ECRG4: variants seen among roughly 807,000 people sequenced by gnomAD.
ECRG4 encodes the protein augurin.
A neutral mutation model predicts 15.8 loss-of-function variants in ECRG4; 18 were observed. The observed-to-expected ratio is 1.14, with a 90% confidence interval of 0.79 to 1.69. The LOEUF is 1.69. ECRG4 is among the 40% of genes most tolerant of loss of function. The probability of loss-of-function intolerance (pLI) is 0.00; values close to 1 mark genes in which losing one functional copy is unlikely to be tolerated. For missense variants in ECRG4, 200 were observed against 190.9 expected, an observed-to-expected ratio of 1.05 and a Z score of -0.28; for synonymous variants, 82 against 73.9, an observed-to-expected ratio of 1.11 and a Z score of -0.56.
rs763269763 is a variant in ECRG4, at chr2:106,071,896, A to G, written c.127+5A>G. ...TGATGCTTCAAAAACGAGAAGGTAA[A>G]TATACCCCAAATGGATAAGGGATGC... On this transcript the variant is annotated splice_donor_5th_base_variant and intron_variant, in intron 2 of 3. Coordinates refer to ENST00000238044, the MANE Select transcript of ECRG4 (RefSeq NM_032411.3). 6.2e-7 allele frequency: 1 copy of G among 1,610,722 alleles called. No homozygotes were observed. Among genetic ancestry groups the G allele is most frequent in the East Asian group, 2.2e-5 (1 of 44,874 alleles).
intron 2 of ECRG4, among the ~76,000 whole-genome samples, chr2:106,073,051 C>T (rs115505032): frequency 0.012 from 1,797 of 152,306 alleles, 35 homozygotes; most frequent in African/African-American, 0.041. Context: ...ATACGACCAA[C>T]GAATGCACCA....
chr2:106,070,942 G>C (rs552363633), intron 1 of ECRG4: 1 of 471,366 alleles, frequency 2.1e-6, no homozygotes, highest in South Asian at 1.5e-5. Flanking sequence ...AAGGGTCAGA[G>C]GCTCCTATAG....
intron 3 of ECRG4, 105 bp from the exon 4 acceptor site, chr2:106,077,660 C>A (rs1573365619): frequency 1.9e-6 from 2 of 1,035,000 alleles, no homozygotes; most frequent in Non-Finnish European, 2.8e-6. Flanking sequence ...GGTTGTTAAT[C>A]GTTGAAGAAA....
At chr2:106,077,268 G>A (rs1050607260) in intron 3 of ECRG4, among the ~76,000 whole-genome samples, 3 of 152,194 alleles carry the variant, frequency 2.0e-5, no homozygotes, top group African/African-American at 7.2e-5. Flanking sequence ...ACCATCAAAT[G>A]TACCCCCAGT....
intron 3 of ECRG4, 25 bp from the exon 4 acceptor site, chr2:106,077,740 T>TATCA: frequency 2.5e-6 from 4 of 1,610,788 alleles, no homozygotes; most frequent in Non-Finnish European, 3.4e-6. Flanking sequence ...ATCCATTCTC[T>TATCA]ATCATTCTCT....
At chr2:106,071,201 T>C (rs1265757090) in intron 1 of ECRG4, among the ~76,000 whole-genome samples, 2 of 151,872 alleles carry the variant, frequency 1.3e-5, no homozygotes, top group African/African-American at 4.8e-5. Flanking sequence ...GCCTCTGTCT[T>C]CACATGGGTG....
chr2:106,076,854 C>G (rs1352859773), intron 3 of ECRG4, among the ~76,000 whole-genome samples: 1 of 152,194 alleles, frequency 6.6e-6, no homozygotes, highest in Non-Finnish European at 1.5e-5. Flanking sequence ...TGTCATCTCC[C>G]TGCCTTTTTG....
At chr2:106,068,936 C>G (rs78701846) in intron 1 of ECRG4, among the ~76,000 whole-genome samples, 1 of 152,156 alleles carries the variant, frequency 6.6e-6, no homozygotes, top group Non-Finnish European at 1.5e-5. Context: ...TATGCTCAGA[C>G]GCCTCCAGCA....
intron 3 of ECRG4, chr2:106,074,273 G>T (rs1255928850): frequency 3.9e-6 from 2 of 509,042 alleles, no homozygotes; most frequent in Non-Finnish European, 7.0e-6. Context: ...ACCCACGGCA[G>T]TCATGAACCA....
chr2:106,072,143 CAG>C (rs1158428076), intron 2 of ECRG4: 1 of 449,900 alleles, frequency 2.2e-6, no homozygotes, highest in East Asian at 3.6e-5. Flanking sequence ...ATAAAAGAAA[CAG>C]TAGTACAGTG....
At chr2:106,069,854 T>C (rs745415047) in intron 1 of ECRG4, among the ~76,000 whole-genome samples, 23 of 152,194 alleles carry the variant, frequency 1.5e-4, no homozygotes, top group Non-Finnish European at 3.1e-4. Context: ...TTACTTTCTT[T>C]TTTTAAGTAT....
intron 1 of ECRG4, chr2:106,070,894 G>A (rs955520171): frequency 8.5e-6 from 4 of 470,970 alleles, no homozygotes; most frequent in Non-Finnish European, 1.3e-5. Flanking sequence ...TACACCCGAA[G>A]TTGCTCTACT....
intron 3 of ECRG4, among the ~76,000 whole-genome samples, chr2:106,077,280 C>T (rs1676507204): frequency 6.6e-6 from 1 of 152,240 alleles, no homozygotes; most frequent in African/African-American, 2.4e-5. Flanking sequence ...ACCCCCAGTT[C>T]TCTGCCCTGG....
At chr2:106,065,069 T>C (rs1446653181), upstream of ECRG4, among the ~76,000 whole-genome samples, 9 of 152,072 alleles carry the variant, frequency 5.9e-5, no homozygotes, top group Admixed American at 5.9e-4. Context: ...TGGAGAAGTT[T>C]GGGTGAGACG....
chr2:106,069,097 TTCC>T (rs1260895250), intron 1 of ECRG4, among the ~76,000 whole-genome samples: 10 of 144,336 alleles, frequency 6.9e-5, no homozygotes, highest in Non-Finnish European at 1.4e-4. Flanking sequence ...CCTCCCTTCC[TTCC>T]TTCCTTCCTT....
At chr2:106,070,096 G>GC in intron 1 of ECRG4, among the ~76,000 whole-genome samples, 1 of 152,228 alleles carries the variant, frequency 6.6e-6, no homozygotes, top group South Asian at 2.1e-4. Flanking sequence ...ATCTTATGAA[G>GC]CCATTTCCAT....
chr2:106,074,351 G>C, intron 3 of ECRG4: 1 of 275,692 alleles, frequency 3.6e-6, no homozygotes, highest in Non-Finnish European at 7.0e-6. Context: ...TGGCTGAACA[G>C]TTTTGCCAGG....
chr2:106,069,359 A>G (rs1676310867), intron 1 of ECRG4, among the ~76,000 whole-genome samples: 1 of 121,160 alleles, frequency 8.3e-6, no homozygotes, highest in African/African-American at 3.3e-5. Flanking sequence ...TCTGAGATAG[A>G]GTCTCACTCT....
chr2:106,065,653 G>A (rs967709382), upstream of ECRG4: 24 of 766,466 alleles, frequency 3.1e-5, no homozygotes, highest in Middle Eastern at 2.0e-3. Flanking sequence ...CGGCAGCGAC[G>A]CAGGGATAAC....
Sources: allele counts gnomAD v4.1 joint callset (sites outside exome capture counted in the v4.1 genomes callset), GRCh38; gene constraint gnomAD v4.1.1; transcripts MANE v1.5; gene names NCBI Gene and HGNC (gene_info 2026-07-23, HGNC 2026-07-21).